Variants in RARB observed in about 807,000 individuals in gnomAD.
RARB encodes HBV-activated protein.
A neutral mutation model predicts 51.9 loss-of-function variants in RARB; 17 were observed. That is an observed-to-expected ratio of 0.33 (90% CI 0.22 to 0.49). RARB has a LOEUF of 0.49. Among genes scored for constraint, RARB ranks in the 20% least tolerant of loss-of-function variants. The probability of loss-of-function intolerance (pLI) is 0.99; values close to 1 mark genes in which losing one functional copy is unlikely to be tolerated. For missense variants in RARB, 369 were observed against 550.8 expected, an observed-to-expected ratio of 0.67 and a Z score of 3.30; for synonymous variants, 215 against 195.4, an observed-to-expected ratio of 1.10 and a Z score of -0.84.
At chr3:25,476,981 C>T (rs67036887) in intron 2 of RARB, among the ~76,000 whole-genome samples, 21,674 of 152,106 alleles carry the variant, frequency 0.14, 1,656 homozygotes, top group Middle Eastern at 0.27. Context: ...ACTCAATAAA[C>T]GTTTGTTGAA....
At chr3:25,138,055 G>A (rs1351508639) in intron 4 of RARB, among the ~76,000 whole-genome samples, 1 of 152,086 alleles carries the variant, frequency 6.6e-6, no homozygotes, top group Non-Finnish European at 1.5e-5. Flanking sequence ...AAGTCTAGCA[G>A]AACAAGTCAA....
intron 5 of RARB, among the ~76,000 whole-genome samples, chr3:25,375,193 T>A (rs937827698): frequency 7.2e-5 from 11 of 152,178 alleles, no homozygotes; most frequent in Non-Finnish European, 1.5e-5. Flanking sequence ...CTTTCAAAAA[T>A]CATTAGCTTC....
chr3:25,208,916 CTT>C (rs1441467563), intron 5 of RARB, among the ~76,000 whole-genome samples: 1 of 152,150 alleles, frequency 6.6e-6, no homozygotes, highest in East Asian at 1.9e-4. Flanking sequence ...CGAAGGAACT[CTT>C]TACTTAATAA....
In RARB at chr3:24,924,353, A is replaced by G. The variant is rs143728848; in HGVS notation, c.-380+65601A>G. Among the ~76,000 whole-genome samples the G allele has an allele frequency of 1.0e-3, 152 of 152,186 alleles. 1 individual carries two copies. In the East Asian group the frequency reaches 0.021, roughly 21 times the overall value. On this transcript the variant is annotated intron_variant, in intron 2 of 11. Coordinates refer to the RARB transcript ENST00000383772. ...CTCTAGAATGGGACAGTCAAATAGG[A>G]TTTTCTGTGACACTGGAAATGTTTC... is the stretch of plus-strand genomic sequence containing the variant.
chr3:25,411,091 G>T (rs201375132), intron 5 of RARB, among the ~76,000 whole-genome samples: 1 of 152,090 alleles, frequency 6.6e-6, no homozygotes, highest in South Asian at 2.1e-4. Context: ...TTCTGAAATC[G>T]AGTTCATAGA....
intron 3 of RARB, among the ~76,000 whole-genome samples, chr3:25,123,903 G>A (rs961634600): frequency 6.6e-6 from 1 of 152,144 alleles, no homozygotes; most frequent in Non-Finnish European, 1.5e-5. Flanking sequence ...AAAGTCAATA[G>A]CAAGCATCTG....
At chr3:25,562,839 A>G (rs1205579469) in intron 3 of RARB, among the ~76,000 whole-genome samples, 1 of 152,240 alleles carries the variant, frequency 6.6e-6, no homozygotes, top group Non-Finnish European at 1.5e-5. Flanking sequence ...CCACACAAGA[A>G]GAGGTAAAAT....
At chr3:25,181,156 G>A (rs1700852725) in intron 5 of RARB, among the ~76,000 whole-genome samples, 1 of 152,092 alleles carries the variant, frequency 6.6e-6, no homozygotes, top group Non-Finnish European at 1.5e-5. Flanking sequence ...TGTCTTTAAG[G>A]ATATTGCATT....
intron 5 of RARB, among the ~76,000 whole-genome samples, chr3:25,284,401 A>G (rs1041206602): frequency 6.6e-6 from 1 of 152,164 alleles, no homozygotes; most frequent in Non-Finnish European, 1.5e-5. Context: ...AGTAATAAAA[A>G]TATTTGAGCA....
At chr3:25,310,910 G>A (rs921534617) in intron 5 of RARB, among the ~76,000 whole-genome samples, 5 of 152,072 alleles carry the variant, frequency 3.3e-5, no homozygotes, top group Non-Finnish European at 5.9e-5. Context: ...TTTGTTACTC[G>A]GTTTATATTC....
chr3:25,434,130 A>AGTCAGGG (rs1456259036), intron 1 of RARB, among the ~76,000 whole-genome samples: 2 of 152,178 alleles, frequency 1.3e-5, no homozygotes, highest in African/African-American at 4.8e-5. Flanking sequence ...CATTTCCTCT[A>AGTCAGGG]GTCAGGGCTC....
At chr3:24,887,117 G>T (rs904794234) in intron 2 of RARB, among the ~76,000 whole-genome samples, 9 of 152,120 alleles carry the variant, frequency 5.9e-5, no homozygotes, top group African/African-American at 7.2e-5. Flanking sequence ...ATAAGTAAGG[G>T]CCATCAATTA....
chr3:25,541,736 A>G (rs1699391237), intron 3 of RARB, among the ~76,000 whole-genome samples: 1 of 152,178 alleles, frequency 6.6e-6, no homozygotes, highest in Admixed American at 6.5e-5. Flanking sequence ...TACTGTGAAT[A>G]TGTGCATGAT....
intron 4 of RARB, among the ~76,000 whole-genome samples, chr3:25,167,413 A>C (rs1700577824): frequency 6.6e-6 from 1 of 152,200 alleles, no homozygotes. Flanking sequence ...ATGGACAGCA[A>C]ATGTGCAGTG....
In RARB at chr3:25,291,240, A is replaced by G. The variant is rs1028034312; in HGVS notation, c.178+116665A>G. Among the ~76,000 whole-genome samples the G allele has an allele frequency of 2.6e-5, 4 of 152,212 alleles. No individual in the cohort carries two copies. The East Asian group carries it at 7.7e-4, about 29-fold the overall frequency. ...ATATCTTCCCTCAGGTCATGAATGCATAGCTCATTCTTGAAGATCAGTTCG... is the reference window on the plus strand; with the variant it reads ...ATATCTTCCCTCAGGTCATGAATGCGTAGCTCATTCTTGAAGATCAGTTCG... On this transcript the variant is annotated intron_variant, in intron 5 of 11. Transcript: ENST00000383772.
chr3:25,119,912 A>G (rs1340855975), intron 3 of RARB, among the ~76,000 whole-genome samples: 1 of 152,174 alleles, frequency 6.6e-6, no homozygotes, highest in African/African-American at 2.4e-5. Context: ...ACTGTGGACA[A>G]TCAGGAAGTA....
chr3:24,867,008 G>A (rs761239078), intron 2 of RARB, among the ~76,000 whole-genome samples: 5 of 152,044 alleles, frequency 3.3e-5, no homozygotes, highest in African/African-American at 4.8e-5. Flanking sequence ...AGGTCCAAGT[G>A]GAGCCATTGG....
At chr3:24,983,602 C>G (rs754294781) in intron 2 of RARB, among the ~76,000 whole-genome samples, 1 of 152,108 alleles carries the variant, frequency 6.6e-6, no homozygotes, top group Admixed American at 6.6e-5. Context: ...TCTCGTTGTT[C>G]AACCCCCACT....
chr3:25,512,340 C>G (rs968470344), intron 3 of RARB, among the ~76,000 whole-genome samples: 2 of 152,164 alleles, frequency 1.3e-5, no homozygotes, highest in African/African-American at 4.8e-5. Context: ...CAAATCTACC[C>G]CCACAAAGCA....
Sources: allele counts gnomAD v4.1 joint callset (sites outside exome capture counted in the v4.1 genomes callset), GRCh38; gene constraint gnomAD v4.1.1; transcripts MANE v1.5; gene names NCBI Gene and HGNC (gene_info 2026-07-23, HGNC 2026-07-21).